The following UBLCP1 variants were observed in gnomAD, a reference collection of about 807,000 sequenced individuals.
The protein encoded by UBLCP1 is ubiquitin like domain containing CTD phosphatase 1.
UBLCP1 carries 28 observed loss-of-function variants against 42.4 expected under a neutral mutation model. The observed-to-expected ratio is 0.66, with a 90% CI of 0.49 to 0.90. The LOEUF (loss-of-function observed/expected upper bound fraction) is 0.90, where lower values mean the gene tolerates loss of function less well. UBLCP1 is among the 40% of genes least tolerant of loss of function. UBLCP1 has a pLI of 0.00. For synonymous variants in UBLCP1, 122 were observed against 120.8 expected (o/e 1.01, Z -0.07); for missense variants, 279 against 374.5 (o/e 0.75, Z 2.10).
intron 1 of UBLCP1, among the ~76,000 whole-genome samples, chr5:159,265,887 T>C (rs1753385519): frequency 1.3e-5 from 2 of 152,148 alleles, no homozygotes; most frequent in African/African-American, 2.4e-5. Flanking sequence ...TTTCACCACA[T>C]TGGCCAGGCT....
intron 5 of UBLCP1, among the ~76,000 whole-genome samples, chr5:159,271,456 C>CA (rs945845684): frequency 1.1e-4 from 16 of 146,318 alleles, no homozygotes; most frequent in Middle Eastern, 3.5e-3. Flanking sequence ...GACCCTGTCT[C>CA]AAAAAAAAAG....
In UBLCP1 at chr5:159,285,974, G is replaced by A. The variant is rs1384583065; in HGVS notation, c.*1043G>A. 3 of 152,646 alleles carry A rather than the reference G, an allele frequency of 2.0e-5. No individual in the cohort carries two copies. Among genetic ancestry groups the A allele is most frequent in the Non-Finnish European group, 4.4e-5 (3 of 68,000 alleles). 9.5% of individuals were successfully genotyped at this position (152,646 alleles called of 1,614,324 possible). ...GGAATTGATCCTTTTAAAGAAACAT[G>A]GTGTATATTGTTCTTACAGGACTAA... On this transcript the variant is annotated 3_prime_UTR_variant, in exon 11 of 11. Transcript: ENST00000296786.
intron 10 of UBLCP1, 110 bp downstream of exon 10, chr5:159,283,449 T>C: frequency 1.0e-6 from 1 of 954,448 alleles, no homozygotes; most frequent in South Asian, 2.0e-5. Flanking sequence ...TTATTTAAAA[T>C]AGGTGACTTC....
At chr5:159,277,564 A>T (rs1292277064) in intron 8 of UBLCP1, among the ~76,000 whole-genome samples, 1 of 152,220 alleles carries the variant, frequency 6.6e-6, no homozygotes, top group East Asian at 1.9e-4. Context: ...AGCCACAATC[A>T]GTGTTATTTC....
At position 159,285,123 on chromosome 5, in the gene UBLCP1, C is replaced by T. The variant is rs371554318; in HGVS notation, c.*192C>T. 64 of 547,894 alleles carry T rather than the reference C, an allele frequency of 1.2e-4. No individual in the cohort carries two copies. The highest frequency in any genetic ancestry group is 7.3e-4 in the African/African-American group (38 of 51,808). The allele number at this position is 547,894 out of a possible 1,614,324, so 33.9% of individuals were successfully genotyped here. On this transcript the variant is annotated 3_prime_UTR_variant, in exon 11 of 11. Coordinates refer to ENST00000296786, the MANE Select transcript of UBLCP1 (RefSeq NM_145049.5). ...AGCAATATGCTAAAAAATGCTTGTCCCCTATATGAATATTCTGTTACGCTT... is the reference window on the plus strand; with the variant it reads ...AGCAATATGCTAAAAAATGCTTGTCTCCTATATGAATATTCTGTTACGCTT...
intron 1 of UBLCP1, among the ~76,000 whole-genome samples, chr5:159,264,391 C>T (rs1477584222): frequency 1.3e-5 from 2 of 152,168 alleles, no homozygotes; most frequent in Non-Finnish European, 2.9e-5. Flanking sequence ...ATAGCTCATG[C>T]ATTTATATCA....
intron 10 of UBLCP1, 108 bp downstream of exon 10, chr5:159,283,447 A>G (rs1329280933): frequency 1.0e-6 from 1 of 959,006 alleles, no homozygotes; most frequent in Non-Finnish European, 1.5e-6. Flanking sequence ...TTTTATTTAA[A>G]ATAGGTGACT....
At position 159,284,915 on chromosome 5, in the gene UBLCP1, A is replaced by G. The variant is rs139041495; in HGVS notation, c.941A>G (p.Lys314Arg). ...TTTATTTCTTGCAGATATCTCTCAA[A>G]GAAGCAAGGACAGTAGTTACAAGTT... is the stretch of plus-strand genomic sequence containing the variant. ...NHKYWERYLS[K>R]KQGQ The change falls in exon 11 of 11, where the codon AAG becomes AGG. Residue 314 changes from lysine to arginine, a missense_variant. Physicochemically the swap from Lys to Arg is conservative, Grantham distance 26 (BLOSUM62 2). Transcript: ENST00000296786. 3.0e-5 allele frequency: 48 copies of G among 1,613,130 alleles called. No individual in the cohort carries two copies. The African/African-American group carries it at 5.2e-4, about 17-fold the overall frequency.
intron 8 of UBLCP1, 129 bp downstream of exon 8, chr5:159,275,375 C>T: frequency 2.5e-6 from 1 of 406,288 alleles, no homozygotes; most frequent in African/African-American, 2.2e-5. Context: ...TGAGTTTTGA[C>T]ATAGGAAAAT....
chr5:159,273,369 C>G (rs1753495238), intron 6 of UBLCP1, among the ~76,000 whole-genome samples: 1 of 152,030 alleles, frequency 6.6e-6, no homozygotes, highest in Non-Finnish European at 1.5e-5. Flanking sequence ...TGTGGTAGTT[C>G]ATTGAAAAGA....
intron 6 of UBLCP1, among the ~76,000 whole-genome samples, chr5:159,272,342 T>G (rs1433107179): frequency 6.6e-6 from 1 of 152,104 alleles, no homozygotes; most frequent in African/African-American, 2.4e-5. Context: ...ATGAGTACAT[T>G]ATAGTGTAAG....
chr5:159,270,740 C>G, intron 5 of UBLCP1, 97 bp downstream of exon 5: 1 of 705,704 alleles, frequency 1.4e-6, no homozygotes, highest in Non-Finnish European at 2.1e-6. Context: ...TCATGGTTCT[C>G]GTGAAATACT....
intron 8 of UBLCP1, among the ~76,000 whole-genome samples, chr5:159,275,729 A>AT (rs1357481055): frequency 6.6e-6 from 1 of 152,182 alleles, no homozygotes; most frequent in African/African-American, 2.4e-5. Context: ...AAAGATTTGA[A>AT]TTTTAATGAT....
intron 8 of UBLCP1, 146 bp downstream of exon 8, chr5:159,275,392 A>G (rs1753521710): frequency 2.3e-6 from 1 of 437,482 alleles, no homozygotes; most frequent in Admixed American, 4.1e-5. Flanking sequence ...AAATGTATTT[A>G]AGGTTAAAAG....
intron 5 of UBLCP1, among the ~76,000 whole-genome samples, chr5:159,271,491 T>C (rs890845556): frequency 4.6e-5 from 7 of 152,290 alleles, no homozygotes; most frequent in Admixed American, 2.0e-4. Flanking sequence ...TTTGTGTTCA[T>C]TGAAAAAGAA....
intron 1 of UBLCP1, among the ~76,000 whole-genome samples, chr5:159,263,943 T>C (rs4921437): frequency 0.81 from 123,250 of 152,174 alleles, 50,133 homozygotes; most frequent in East Asian, 1. Flanking sequence ...TTCAGGATTC[T>C]CATTTGTATA....
chr5:159,282,444 CA>C (rs1408838097), intron 9 of UBLCP1, among the ~76,000 whole-genome samples: 1 of 151,876 alleles, frequency 6.6e-6, no homozygotes, highest in Admixed American at 6.6e-5. Context: ...GATTTATGCA[CA>C]AATCTAGATG....
chr5:159,271,881 G>A, intron 5 of UBLCP1, 142 bp from the exon 6 acceptor site: 2 of 519,606 alleles, frequency 3.8e-6, no homozygotes, highest in Non-Finnish European at 6.7e-6. Context: ...CTTTTTGTCA[G>A]CCAACGTAAT....
intron 7 of UBLCP1, 132 bp from the exon 8 acceptor site, chr5:159,275,016 A>T (rs1028951324): frequency 9.7e-6 from 7 of 721,760 alleles, no homozygotes; most frequent in Non-Finnish European, 1.4e-5. Flanking sequence ...AATACTTCCT[A>T]GTTGTTTAGC....
Sources: gnomAD v4.1 joint callset for allele counts (sites outside exome capture counted in the v4.1 genomes callset) on GRCh38, gnomAD v4.1.1 for gene constraint, MANE v1.5 for transcripts, NCBI Gene and HGNC (gene_info 2026-07-23, HGNC 2026-07-21) for gene names.